ITGAM: variants seen among roughly 807,000 people sequenced by gnomAD.
ITGAM encodes the protein integrin subunit alpha M, also known as integrin alpha-M.
ITGAM carries 79 observed loss-of-function variants against 137.5 expected under a neutral mutation model. The observed-to-expected ratio is 0.57, with a 90% CI of 0.48 to 0.69. The LOEUF (loss-of-function observed/expected upper bound fraction) is 0.69. Among genes scored for constraint, ITGAM ranks in the 30% least tolerant of loss-of-function variants. ITGAM has a pLI of 0.00. For missense variants in ITGAM, 1,343 were observed against 1,483.5 expected, an observed-to-expected ratio of 0.91 and a Z score of 1.56; for synonymous variants, 583 against 592.3, an observed-to-expected ratio of 0.98 and a Z score of 0.23.
At chr16:31,273,888 G>A (rs1034452483) in intron 8 of ITGAM, among the ~76,000 whole-genome samples, 1 of 152,220 alleles carries the variant, frequency 6.6e-6, no homozygotes, top group Non-Finnish European at 1.5e-5. Context: ...AACCACTGGG[G>A]TGACTTGGCC....
chr16:31,277,638 G>A (rs910984810), intron 11 of ITGAM, among the ~76,000 whole-genome samples: 1 of 152,014 alleles, frequency 6.6e-6, no homozygotes, highest in Non-Finnish European at 1.5e-5. Flanking sequence ...AATTACAGAC[G>A]TGAGCCACCG....
intron 14 of ITGAM, among the ~76,000 whole-genome samples, chr16:31,307,763 A>G (rs1019513821): frequency 2.0e-5 from 3 of 152,052 alleles, no homozygotes; most frequent in African/African-American, 7.3e-5. Context: ...TTGTCCATTC[A>G]GTATGATATT....
At chr16:31,329,073 T>TTCCCCCCCCCCCCCCC in intron 23 of ITGAM, 155 bp from the exon 24 acceptor site, 2 of 426,236 alleles carry the variant, frequency 4.7e-6, no homozygotes, top group Non-Finnish European at 8.9e-6. Flanking sequence ...ACACATTGGT[T>TTCCCCCCCCCCCCCCC]CCCCCATCCC....
chr16:31,283,653 G>T (rs1394067083), intron 12 of ITGAM, among the ~76,000 whole-genome samples: 1 of 152,136 alleles, frequency 6.6e-6, no homozygotes, highest in Non-Finnish European at 1.5e-5. Context: ...GCTTCTTTGT[G>T]ATGGGTTTGA....
chr16:31,303,618 TC>T (rs370785021), intron 14 of ITGAM, among the ~76,000 whole-genome samples: 6 of 152,226 alleles, frequency 3.9e-5, no homozygotes, highest in African/African-American at 1.4e-4. Flanking sequence ...AGACTCCCCT[TC>T]CCCAAGTCCT....
At chr16:31,277,818 T>C (rs1198673959) in intron 11 of ITGAM, 149 bp from the exon 12 acceptor site, 5 of 816,824 alleles carry the variant, frequency 6.1e-6, no homozygotes, top group Non-Finnish European at 9.3e-6. Context: ...GAATTGTAAT[T>C]ATGTTCATAA....
intron 14 of ITGAM, among the ~76,000 whole-genome samples, chr16:31,317,930 A>G (rs551976936): frequency 2.6e-5 from 4 of 152,284 alleles, no homozygotes; most frequent in South Asian, 2.1e-4. Flanking sequence ...GCCTCATACA[A>G]TAAGTTTGGA....
At chr16:31,300,836 C>T (rs149312445) in intron 14 of ITGAM, among the ~76,000 whole-genome samples, 8,630 of 152,166 alleles carry the variant, frequency 0.057, 846 homozygotes, top group African/African-American at 0.2. Flanking sequence ...CGCTTGAACC[C>T]GGGAGGTGGA....
chr16:31,293,684 T>C (rs1456465721), intron 12 of ITGAM, among the ~76,000 whole-genome samples: 1 of 152,162 alleles, frequency 6.6e-6, no homozygotes, highest in Non-Finnish European at 1.5e-5. Context: ...CCTCCTTCTG[T>C]GTTCTTTTTG....
intron 10 of ITGAM, 30 bp from the exon 11 acceptor site, chr16:31,276,890 C>T (rs746719063): frequency 1.2e-5 from 20 of 1,600,938 alleles, no homozygotes; most frequent in Non-Finnish European, 1.7e-5. Context: ...TTCTTCCTTC[C>T]TCATCAACCC....
At position 31,329,285 on chromosome 16, in the gene ITGAM, C is replaced by A. The variant is rs773623068; in HGVS notation, c.2850C>A (p.Val950=). 6.2e-7 allele frequency: 1 copy of A among 1,612,156 alleles called. No individual in the cohort carries two copies. The highest frequency in any genetic ancestry group is 8.5e-7 in the Non-Finnish European group (1 of 1,178,458). The change falls in exon 24 of 30, where the codon GTC becomes GTA. Residue 950 remains valine (V), a synonymous_variant. Coordinates refer to ENST00000544665, the MANE Select transcript of ITGAM (RefSeq NM_000632.4). ...CGGCCTCAGAGAATACCAGTCGGGT[C>A]ATGCAGCATCAATATCAGGTGGGCA... ...NFTASENTSR[V]MQHQYQVSNL... is the part of the protein sequence containing the mutation.
chr16:31,287,137 G>T (rs539317105), intron 12 of ITGAM, among the ~76,000 whole-genome samples: 1 of 152,218 alleles, frequency 6.6e-6, no homozygotes, highest in Admixed American at 6.5e-5. Flanking sequence ...ATTGAATAGG[G>T]AGTTCTTTCC....
In ITGAM at chr16:31,321,223, C is replaced by T. The variant is rs2080445730; in HGVS notation, c.1708-18C>T. ...TTTCCTACCCCTTTCTCTCTCCACACCTCTTTTTTACCCTCAGCGGATAGC... is the reference window on the plus strand; with the variant it reads ...TTTCCTACCCCTTTCTCTCTCCACATCTCTTTTTTACCCTCAGCGGATAGC... On this transcript the variant is annotated intron_variant, in intron 14 of 29. Transcript: ENST00000544665. 3.1e-6 allele frequency: 5 copies of T among 1,613,548 alleles called. No homozygotes were observed. Among genetic ancestry groups the T allele is most frequent in the East Asian group, 4.5e-5 (2 of 44,872 alleles).
At chr16:31,318,417 C>T (rs1040101593) in intron 14 of ITGAM, among the ~76,000 whole-genome samples, 1 of 148,280 alleles carries the variant, frequency 6.7e-6, no homozygotes, top group Non-Finnish European at 1.5e-5. Flanking sequence ...GATCACAGCT[C>T]ACTGCATTCT....
At chr16:31,285,994 C>T in intron 12 of ITGAM, among the ~76,000 whole-genome samples, 1 of 152,018 alleles carries the variant, frequency 6.6e-6, no homozygotes, top group East Asian at 1.9e-4. Flanking sequence ...TTCCAACCCA[C>T]ACCTCCTGCT....
rs780259055 is a variant in ITGAM, at chr16:31,325,583, C to T, written c.2589C>T (p.Ser863=). The change falls in exon 21 of 30, where the codon AGC becomes AGT. Residue 863 remains serine (S), a synonymous_variant. Transcript: ENST00000544665. Reference sequence around the variant, plus strand: ...TGTCTGGGGCCTTGAAGAGCACCAGCTGCAGCATAAACCACCCCATCTTCC... The same window carrying T: ...TGTCTGGGGCCTTGAAGAGCACCAGTTGCAGCATAAACCACCCCATCTTCC... The part of the protein sequence containing the change: ...TEVSGALKST[S]CSINHPIFPE... 6.2e-7 allele frequency: 1 copy of T among 1,613,952 alleles called. No individual in the cohort carries two copies. The highest frequency in any genetic ancestry group is 8.5e-7 in the Non-Finnish European group (1 of 1,179,872).
intron 23 of ITGAM, 98 bp from the exon 24 acceptor site, chr16:31,329,130 C>G (rs369344503): frequency 4.1e-6 from 2 of 482,196 alleles, no homozygotes. Flanking sequence ...ATACCCATTA[C>G]CCATGTGCCT....
chr16:31,319,863 A>G (rs920884458), intron 14 of ITGAM, among the ~76,000 whole-genome samples: 6 of 150,966 alleles, frequency 4.0e-5, no homozygotes, highest in Non-Finnish European at 5.9e-5. Flanking sequence ...CCCAGGCTGG[A>G]GTGCAGTGGT....
rs181414971 is a variant in ITGAM at position 31,279,799 on chromosome 16, A to T, written c.1356+1690A>T. On this transcript the variant is annotated intron_variant, in intron 12 of 29. Coordinates refer to ENST00000544665, the MANE Select transcript of ITGAM (RefSeq NM_000632.4). ...TGCCATTGCTTTTGGTGTTTTAGTC[A>T]TGAAGTCCCTGACCATGCCTATGTC... Among the ~76,000 whole-genome samples, 43 of 152,290 alleles carry T rather than the reference A, an allele frequency of 2.8e-4. No individual in the cohort carries two copies. The East Asian group carries it at 8.1e-3, about 29-fold the overall frequency.
Sources: allele counts gnomAD v4.1 joint callset (sites outside exome capture counted in the v4.1 genomes callset), GRCh38; gene constraint gnomAD v4.1.1; transcripts MANE v1.5; gene names NCBI Gene and HGNC (gene_info 2026-07-23, HGNC 2026-07-21).